SGCD: variants seen among roughly 807,000 people sequenced by gnomAD.
The protein encoded by SGCD is sarcoglycan delta, also known as delta-sarcoglycan.
SGCD carries 18 observed loss-of-function variants against 36.6 expected under a neutral mutation model. That is an observed-to-expected ratio of 0.49 (90% confidence interval 0.34 to 0.73). The LOEUF is 0.73. Among genes scored for constraint, SGCD ranks in the 30% least tolerant of loss-of-function variants. The probability of loss-of-function intolerance (pLI) is 0.01; values close to 1 mark genes in which losing one functional copy is unlikely to be tolerated. For missense variants in SGCD, 387 were observed against 346.7 expected, an observed-to-expected ratio of 1.12 and a Z score of -0.92; for synonymous variants, 133 against 130.6, an observed-to-expected ratio of 1.02 and a Z score of -0.12.
At chr5:156,075,395 T>C (rs955797841) in intron 1 of SGCD, among the ~76,000 whole-genome samples, 4 of 151,758 alleles carry the variant, frequency 2.6e-5, no homozygotes, top group African/African-American at 9.7e-5. Flanking sequence ...AATAAAAAAA[T>C]CATACTACAA....
chr5:156,281,944 C>T (rs1766464355), intron 3 of SGCD, among the ~76,000 whole-genome samples: 1 of 152,046 alleles, frequency 6.6e-6, no homozygotes, highest in Non-Finnish European at 1.5e-5. Flanking sequence ...CTTCTGTTTT[C>T]CGCGTAAACC....
chr5:156,252,500 A>G (rs990379384), intron 3 of SGCD, among the ~76,000 whole-genome samples: 2 of 152,176 alleles, frequency 1.3e-5, no homozygotes, highest in Admixed American at 1.3e-4. Context: ...AAGGAAATAT[A>G]ATTATAGGTT....
chr5:156,443,269 G>T lies in SGCD; in HGVS notation c.193-65332G>T, dbSNP rs148186931. Reference sequence around the variant, plus strand: ...CAAAGTGCTGGGATTACAGGTGTGAGTCACTGCACCCAGCCTTCTACCTTC... The same window carrying T: ...CAAAGTGCTGGGATTACAGGTGTGATTCACTGCACCCAGCCTTCTACCTTC... On this transcript the variant is annotated intron_variant, in intron 3 of 8. Transcript: ENST00000337851. 4.8e-4 allele frequency among the ~76,000 whole-genome samples: 73 copies of T among 152,300 alleles called. 2 individuals are homozygous for T. The East Asian group carries it at 0.011, about 24-fold the overall frequency.
chr5:156,194,015 G>C (rs562028325), intron 3 of SGCD, among the ~76,000 whole-genome samples: 6 of 152,294 alleles, frequency 3.9e-5, no homozygotes, highest in Non-Finnish European at 7.3e-5. Flanking sequence ...ACCTTCCTCT[G>C]AGCATTTTAA....
chr5:156,080,729 A>G (rs1435098860), intron 1 of SGCD, among the ~76,000 whole-genome samples: 2 of 152,206 alleles, frequency 1.3e-5, no homozygotes, highest in Non-Finnish European at 2.9e-5. Context: ...GTAATTTCCA[A>G]TAAGTTCCTC....
intron 4 of SGCD, among the ~76,000 whole-genome samples, chr5:156,515,926 G>C (rs1757137959): frequency 6.6e-6 from 1 of 152,240 alleles, no homozygotes; most frequent in African/African-American, 2.4e-5. Flanking sequence ...TGCTTCTTTA[G>C]GTGGGACTGG....
At chr5:156,650,283 T>G (rs1763411280) in intron 7 of SGCD, among the ~76,000 whole-genome samples, 1 of 152,182 alleles carries the variant, frequency 6.6e-6, no homozygotes. Flanking sequence ...TTACTGTGCT[T>G]CTTCAAAAGT....
At chr5:156,175,307 T>C (rs1763438557) in intron 3 of SGCD, among the ~76,000 whole-genome samples, 2 of 152,118 alleles carry the variant, frequency 1.3e-5, no homozygotes, top group Non-Finnish European at 2.9e-5. Flanking sequence ...CTTTTGAATG[T>C]AGAAAAAAAG....
chr5:156,407,809 AC>A (rs11296545), intron 3 of SGCD, among the ~76,000 whole-genome samples: 21,698 of 152,186 alleles, frequency 0.14, 1,702 homozygotes, highest in South Asian at 0.23. Context: ...AATTTTGCTT[AC>A]TTAATGATTA....
At chr5:155,991,803 C>A (rs1388554781) in intron 1 of SGCD, among the ~76,000 whole-genome samples, 1 of 152,174 alleles carries the variant, frequency 6.6e-6, no homozygotes. Flanking sequence ...TAACCCGTAA[C>A]TATTATTACT....
intron 3 of SGCD, among the ~76,000 whole-genome samples, chr5:156,209,533 G>T (rs138376063): frequency 4.6e-5 from 7 of 152,164 alleles, no homozygotes; most frequent in African/African-American, 1.7e-4. Context: ...CATTCATGTG[G>T]CACAACATTC....
intron 3 of SGCD, among the ~76,000 whole-genome samples, chr5:156,196,590 A>T (rs1764030244): frequency 6.6e-6 from 1 of 152,354 alleles, no homozygotes; most frequent in African/African-American, 2.4e-5. Flanking sequence ...TGACTTTAAT[A>T]TAATTTGGAA....
intron 1 of SGCD, among the ~76,000 whole-genome samples, chr5:156,035,978 A>G (rs1413758423): frequency 1.3e-5 from 2 of 152,210 alleles, no homozygotes; most frequent in African/African-American, 2.4e-5. Flanking sequence ...ACAGCTTTAT[A>G]GTTATATACA....
chr5:155,790,897 C>A, the SGCD span, among the ~76,000 whole-genome samples: 1 of 152,088 alleles, frequency 6.6e-6, no homozygotes, highest in Non-Finnish European at 1.5e-5. Flanking sequence ...AATTTCCTAC[C>A]TATCTGTCTT....
chr5:156,254,194 G>A (rs1022223925), intron 3 of SGCD, among the ~76,000 whole-genome samples: 1 of 152,258 alleles, frequency 6.6e-6, no homozygotes, highest in African/African-American at 2.4e-5. Flanking sequence ...ATGCTTCAAA[G>A]ATTTTACCAT....
intron 3 of SGCD, among the ~76,000 whole-genome samples, chr5:156,158,664 A>G (rs969317706): frequency 2.6e-5 from 4 of 151,686 alleles, no homozygotes; most frequent in Admixed American, 6.6e-5. Context: ...GGTACTCAGC[A>G]TGATAGAGAA....
intron 3 of SGCD, among the ~76,000 whole-genome samples, chr5:156,302,423 T>C (rs1330894777): frequency 6.6e-6 from 1 of 152,094 alleles, no homozygotes; most frequent in Non-Finnish European, 1.5e-5. Context: ...CTTCTGTGTT[T>C]TATCTTGAAT....
At position 156,055,979 on chromosome 5, in the gene SGCD, A is replaced by G. The variant is rs1447051025; in HGVS notation, c.-281-61899A>G. Among the ~76,000 whole-genome samples, 4 of 146,460 alleles carry G rather than the reference A, an allele frequency of 2.7e-5. 1 individual carries two copies. Among genetic ancestry groups the G allele is most frequent in the African/African-American group, 9.8e-5 (4 of 40,678 alleles). On this transcript the variant is annotated intron_variant, in intron 1 of 9. Coordinates refer to the SGCD transcript ENST00000517913. The stretch of plus-strand genomic sequence containing the variant: ...CAAAATGTGTTAGAATTATATATAT[A>G]TTTAAAGCTAAAGGAAAATTTTAAA...
At chr5:156,285,224 A>G (rs986604710) in intron 3 of SGCD, among the ~76,000 whole-genome samples, 1 of 152,222 alleles carries the variant, frequency 6.6e-6, no homozygotes, top group African/African-American at 2.4e-5. Context: ...GGAAGAATCA[A>G]TATCGTGAAA....
Sources: allele counts gnomAD v4.1 joint callset (sites outside exome capture counted in the v4.1 genomes callset), GRCh38; gene constraint gnomAD v4.1.1; transcripts MANE v1.5; gene names NCBI Gene and HGNC (gene_info 2026-07-23, HGNC 2026-07-21).